Variants in PTH2R observed in about 807,000 individuals in gnomAD.
The protein encoded by PTH2R is PTH2 receptor.
A neutral mutation model predicts 60.3 loss-of-function variants in PTH2R; 59 were observed. The ratio of observed to expected loss-of-function variants is 0.98; its 90% CI spans 0.79 to 1.22. The LOEUF (loss-of-function observed/expected upper bound fraction) is 1.22, where lower values mean the gene tolerates loss of function less well. Ranked by LOEUF, PTH2R falls within the 50% of genes most tolerant of loss-of-function variation. The pLI is 0.00. For missense variants in PTH2R, 749 were observed against 682.6 expected, an observed-to-expected ratio of 1.10 and a Z score of -1.08; for synonymous variants, 256 against 243.8, an observed-to-expected ratio of 1.05 and a Z score of -0.47.
At chr2:208,383,393 C>A (rs1208164167) in intron 1 of PTH2R, among the ~76,000 whole-genome samples, 1 of 152,068 alleles carries the variant, frequency 6.6e-6, no homozygotes, top group Non-Finnish European at 1.5e-5. Flanking sequence ...CATATACGGC[C>A]AACTGAGAAA....
chr2:208,443,064 A>G (rs981614241), intron 5 of PTH2R, among the ~76,000 whole-genome samples: 4 of 152,240 alleles, frequency 2.6e-5, no homozygotes, highest in Non-Finnish European at 5.9e-5. Context: ...TCTCTAAACA[A>G]TACAGTATAA....
rs17717083 is a variant in PTH2R at position 208,384,052 on chromosome 2, C to G, written c.-259+23815C>G. Among the ~76,000 whole-genome samples, 637 of 152,280 alleles carry G rather than the reference C, an allele frequency of 4.2e-3. 2 individuals carry two copies. Among genetic ancestry groups the G allele is most frequent in the Non-Finnish European group, 5.6e-3 (380 of 68,022 alleles). On this transcript the variant is annotated intron_variant, in intron 1 of 12. Coordinates refer to the PTH2R transcript ENST00000617735. ...ATAAATGTTTCTGCCTAATATTTAA[C>G]TTGGAAGAGAAGATGTCCATGTGAA... is the stretch of plus-strand genomic sequence containing the variant.
intron 8 of PTH2R, among the ~76,000 whole-genome samples, chr2:208,455,783 ATTT>A (rs138082404): frequency 0.01 from 1,563 of 152,336 alleles, 25 homozygotes; most frequent in African/African-American, 0.036. Context: ...CATGTCTTAT[ATTT>A]GAGACTCAAT....
At chr2:208,487,533 C>T (rs1210256349) in intron 10 of PTH2R, among the ~76,000 whole-genome samples, 2 of 152,190 alleles carry the variant, frequency 1.3e-5, no homozygotes, top group Non-Finnish European at 2.9e-5. Flanking sequence ...AGGAAAACCT[C>T]CCAGAAAATA....
chr2:208,418,951 T>C (rs566684685), intron 1 of PTH2R, among the ~76,000 whole-genome samples: 2 of 152,346 alleles, frequency 1.3e-5, no homozygotes, highest in African/African-American at 4.8e-5. Flanking sequence ...CTACACTGTA[T>C]AGTCTTTATG....
chr2:208,414,545 T>C (rs59137704), intron 1 of PTH2R, among the ~76,000 whole-genome samples: 2,037 of 152,148 alleles, frequency 0.013, 46 homozygotes, highest in African/African-American at 0.045. Flanking sequence ...CTAATGAGGA[T>C]AGTGAATTTT....
chr2:208,451,173 A>G (rs1702400987), intron 8 of PTH2R, among the ~76,000 whole-genome samples: 1 of 149,438 alleles, frequency 6.7e-6, no homozygotes, highest in Non-Finnish European at 1.5e-5. Flanking sequence ...CAGTGTTCAT[A>G]CTCTCTCTCT....
At chr2:208,378,162 G>C (rs13028521) in intron 1 of PTH2R, among the ~76,000 whole-genome samples, 66,395 of 151,764 alleles carry the variant, frequency 0.44, 14,759 homozygotes, top group East Asian at 0.54. Flanking sequence ...CTCGCGGTTA[G>C]GAGCTGGAGA....
At chr2:208,450,938 C>A in intron 8 of PTH2R, 129 bp downstream of exon 8, 1 of 991,956 alleles carries the variant, frequency 1.0e-6, no homozygotes, top group Non-Finnish European at 1.6e-6. Flanking sequence ...GGAAAATTAC[C>A]TTGATGCGAT....
intron 1 of PTH2R, among the ~76,000 whole-genome samples, chr2:208,398,321 G>A (rs1701249633): frequency 6.6e-6 from 1 of 152,170 alleles, no homozygotes. Context: ...TTTCTTTAAG[G>A]ATCTGATGCC....
intron 1 of PTH2R, among the ~76,000 whole-genome samples, chr2:208,420,204 G>A (rs1340420180): frequency 1.3e-5 from 2 of 151,752 alleles, no homozygotes; most frequent in Non-Finnish European, 2.9e-5. Flanking sequence ...GTTAATGGGT[G>A]CAGCACAGCA....
chr2:208,391,246 A>C (rs1454879699), intron 1 of PTH2R, among the ~76,000 whole-genome samples: 2 of 152,204 alleles, frequency 1.3e-5, no homozygotes, highest in Admixed American at 1.3e-4. Flanking sequence ...ATTTAATAGA[A>C]AATCATTGGT....
intron 1 of PTH2R, among the ~76,000 whole-genome samples, chr2:208,397,259 C>G (rs1257886867): frequency 2.0e-5 from 3 of 151,508 alleles, no homozygotes; most frequent in African/African-American, 7.3e-5. Context: ...AAATATGTAA[C>G]AAACCTGCAT....
At chr2:208,463,476 G>T (rs1483496112) in intron 9 of PTH2R, among the ~76,000 whole-genome samples, 1 of 152,090 alleles carries the variant, frequency 6.6e-6, no homozygotes, top group Admixed American at 6.5e-5. Flanking sequence ...GAGCGTGCAG[G>T]CTGAAATTTT....
intron 1 of PTH2R, chr2:208,361,073 C>A: frequency 5.1e-6 from 1 of 194,564 alleles, no homozygotes; most frequent in East Asian, 1.3e-4. Context: ...AGCTGCCGCC[C>A]ACAGCAAACT....
At chr2:208,397,057 C>T (rs757730885) in intron 1 of PTH2R, among the ~76,000 whole-genome samples, 1 of 151,926 alleles carries the variant, frequency 6.6e-6, no homozygotes, top group Non-Finnish European at 1.5e-5. Flanking sequence ...GACCCAAGGA[C>T]AGAAAACCAA....
In PTH2R at chr2:208,370,375, G is replaced by A. The variant is rs551851195; in HGVS notation, c.-259+10138G>A. Among the ~76,000 whole-genome samples, 199 of 144,954 alleles carry A rather than the reference G, an allele frequency of 1.4e-3. 3 individuals are homozygous for A. The highest frequency in any genetic ancestry group is 2.2e-3 in the Admixed American group (31 of 13,866). On this transcript the variant is annotated intron_variant, in intron 1 of 12. Coordinates refer to the PTH2R transcript ENST00000617735. ...GGAGAATGGCGTGAACATGGGAGGCGGAGCTTGCAGTGAGCAGAGATCACA... is the reference window on the plus strand; with the variant it reads ...GGAGAATGGCGTGAACATGGGAGGCAGAGCTTGCAGTGAGCAGAGATCACA...
At chr2:208,446,594 G>C (rs1441455245) in intron 7 of PTH2R, among the ~76,000 whole-genome samples, 2 of 152,114 alleles carry the variant, frequency 1.3e-5, no homozygotes, top group Non-Finnish European at 2.9e-5. Flanking sequence ...TGGAATTATG[G>C]TTCTACAGCT....
rs1336217613 is a variant in PTH2R, at chr2:208,362,558, CTGTT to C, written c.-259+2323_-259+2326del. On this transcript the variant is annotated intron_variant, in intron 1 of 12. Coordinates refer to the PTH2R transcript ENST00000617735. Reference sequence around the variant, plus strand: ...AGATGCAGAGATATCATATATATGTCTGTTTCTTTGGAGAATTCTGACTGATACA... The same window carrying C: ...AGATGCAGAGATATCATATATATGTCTCTTTGGAGAATTCTGACTGATACA... Among the ~76,000 whole-genome samples the C allele has an allele frequency of 9.2e-5, 14 of 152,122 alleles. No individual in the cohort carries two copies. In the East Asian group the frequency reaches 2.7e-3, roughly 29 times the overall value.
Sources: gnomAD v4.1 joint callset for allele counts (sites outside exome capture counted in the v4.1 genomes callset) on GRCh38, gnomAD v4.1.1 for gene constraint, MANE v1.5 for transcripts, NCBI Gene and HGNC (gene_info 2026-07-23, HGNC 2026-07-21) for gene names.